Variants in TENM3 observed in about 807,000 individuals in gnomAD.
TENM3 encodes the protein teneurin-3.
Under a neutral mutation model 255.1 loss-of-function variants are expected in TENM3, and 63 were observed. The observed-to-expected ratio is 0.25, with a 90% CI of 0.20 to 0.30. The LOEUF (loss-of-function observed/expected upper bound fraction) is 0.30. Ranked by LOEUF, TENM3 falls within the 10% of genes least tolerant of loss-of-function variation. The pLI, the probability that TENM3 is intolerant of heterozygous loss-of-function variation, is 1.00. For synonymous variants in TENM3, 1,306 were observed against 1,322.3 expected (o/e 0.99, Z 0.27); for missense variants, 2,929 against 3,461.1 (o/e 0.85, Z 3.86).
intron 3 of TENM3, among the ~76,000 whole-genome samples, chr4:182,503,187 T>G (rs1736488456): frequency 6.6e-6 from 1 of 152,104 alleles, no homozygotes; most frequent in Non-Finnish European, 1.5e-5. Context: ...TTGCTTTGGG[T>G]GAGGACTGGG....
At chr4:181,847,804 TAG>T in the TENM3 span, among the ~76,000 whole-genome samples, 197 of 152,188 alleles carry the variant, frequency 1.3e-3, no homozygotes, top group African/African-American at 4.5e-3. Flanking sequence ...AGACCTAAAT[TAG>T]AGTTTCTTTT....
At chr4:182,397,022 G>GA (rs1235815138) in intron 3 of TENM3, among the ~76,000 whole-genome samples, 1 of 151,768 alleles carries the variant, frequency 6.6e-6, no homozygotes, top group Non-Finnish European at 1.5e-5. Flanking sequence ...ATATACCAAT[G>GA]AAAAGCCGTA....
At chr4:182,635,170 C>T (rs902077442) in intron 5 of TENM3, among the ~76,000 whole-genome samples, 3 of 152,320 alleles carry the variant, frequency 2.0e-5, no homozygotes, top group Middle Eastern at 3.4e-3. Context: ...TATTATCAGA[C>T]TATATTGTGG....
the TENM3 span, among the ~76,000 whole-genome samples, chr4:181,651,088 T>G: frequency 6.6e-6 from 1 of 152,114 alleles, no homozygotes; most frequent in African/African-American, 2.4e-5. Context: ...ATTTTGGGAA[T>G]AAAAAGCATC....
the TENM3 span, among the ~76,000 whole-genome samples, chr4:181,584,965 G>C: frequency 4.5e-4 from 62 of 136,762 alleles, no homozygotes; most frequent in African/African-American, 1.6e-3. Context: ...CCATATAGTT[G>C]AATTGAGGAA....
chr4:181,595,443 A>AAAAAAAAAAAAC, the TENM3 span, among the ~76,000 whole-genome samples: 3 of 130,772 alleles, frequency 2.3e-5, no homozygotes, highest in Admixed American at 7.8e-5. Context: ...AAAAAAAAAA[A>AAAAAAAAAAAAC]AAAAAAAAAA....
chr4:182,012,349 C>T, the TENM3 span, among the ~76,000 whole-genome samples: 1 of 152,184 alleles, frequency 6.6e-6, no homozygotes, highest in Non-Finnish European at 1.5e-5. Context: ...CCAGGCAGTA[C>T]TTAATATTTC....
chr4:182,699,945 T>G (rs913589167), intron 12 of TENM3, among the ~76,000 whole-genome samples: 1 of 152,100 alleles, frequency 6.6e-6, no homozygotes, highest in Admixed American at 6.5e-5. Context: ...AAAATGCTCC[T>G]TCTGCTTGCC....
the TENM3 span, among the ~76,000 whole-genome samples, chr4:181,978,658 AAG>A: frequency 6.6e-6 from 1 of 150,508 alleles, no homozygotes; most frequent in Admixed American, 6.6e-5. Flanking sequence ...AAAAAAAAAA[AAG>A]AAAAGAAAAG....
the TENM3 span, among the ~76,000 whole-genome samples, chr4:181,995,221 C>A: frequency 2.6e-5 from 4 of 151,398 alleles, no homozygotes; most frequent in Non-Finnish European, 4.4e-5. Context: ...ACCCGGGGGG[C>A]GGAGGTTGCA....
chr4:181,524,429 A>G, the TENM3 span, among the ~76,000 whole-genome samples: 47 of 152,378 alleles, frequency 3.1e-4, no homozygotes, highest in African/African-American at 1.1e-3. Flanking sequence ...TTTGGGATGC[A>G]GGCATGGGTC....
chr4:181,840,266 G>A, the TENM3 span, among the ~76,000 whole-genome samples: 4 of 151,836 alleles, frequency 2.6e-5, no homozygotes, highest in Non-Finnish European at 5.9e-5. Flanking sequence ...GACTTTTTGA[G>A]ACATTTTAGT....
the TENM3 span, among the ~76,000 whole-genome samples, chr4:181,607,307 T>C: frequency 6.6e-6 from 1 of 152,204 alleles, no homozygotes; most frequent in South Asian, 2.1e-4. Flanking sequence ...TGCTGACTAA[T>C]ACAGTAGGCA....
chr4:181,936,872 C>G, the TENM3 span, among the ~76,000 whole-genome samples: 1 of 151,974 alleles, frequency 6.6e-6, no homozygotes, highest in Non-Finnish European at 1.5e-5. Context: ...ATGCTAGGCT[C>G]TAGGCGCAAA....
the TENM3 span, among the ~76,000 whole-genome samples, chr4:181,500,074 G>C: frequency 2.0e-5 from 3 of 152,042 alleles, no homozygotes; most frequent in Non-Finnish European, 4.4e-5. Flanking sequence ...TGTTGCCCAG[G>C]CTGGAGTGCA....
chr4:182,765,246 T>A (rs1763600591), intron 22 of TENM3, among the ~76,000 whole-genome samples: 1 of 152,122 alleles, frequency 6.6e-6, no homozygotes, highest in Non-Finnish European at 1.5e-5. Flanking sequence ...AAAGGGAACA[T>A]AGAAGATCTG....
rs141511924 is a variant in TENM3, at chr4:182,796,467, G to A, written c.7214-170G>A. Among the ~76,000 whole-genome samples the A allele has an allele frequency of 7.3e-3, 1,114 of 152,310 alleles. 14 individuals carry two copies. The highest frequency in any genetic ancestry group is 0.026 in the African/African-American group (1,065 of 41,562). On this transcript the variant is annotated intron_variant, in intron 26 of 27. Transcript: ENST00000511685. ...CCATAGTTCTGCTGTGAAGGTTACC[G>A]TCTTCATGTCTAAAAACAGTAGGTT...
At position 182,744,453 on chromosome 4, in the gene TENM3, A is replaced by T. The variant is rs184958399; in HGVS notation, c.3629+1034A>T. 1.9e-3 allele frequency among the ~76,000 whole-genome samples: 294 copies of T among 152,316 alleles called. 1 individual carries two copies. Among genetic ancestry groups the T allele is most frequent in the Middle Eastern group, 0.01 (3 of 294 alleles). On this transcript the variant is annotated intron_variant, in intron 19 of 27. Coordinates refer to ENST00000511685, the MANE Select transcript of TENM3 (RefSeq NM_001080477.4). ...TATAACAAAATTATTTCCAAGCATT[A>T]GTTACTGACCGACACAATCTAAGCC...
intron 3 of TENM3, among the ~76,000 whole-genome samples, chr4:182,560,745 A>G (rs760013566): frequency 7.2e-5 from 11 of 152,212 alleles, no homozygotes; most frequent in African/African-American, 2.2e-4. Flanking sequence ...CCACAGGGAA[A>G]CAAGGCAGTA....
Sources: allele counts gnomAD v4.1 joint callset (sites outside exome capture counted in the v4.1 genomes callset), GRCh38; gene constraint gnomAD v4.1.1; transcripts MANE v1.5; gene names NCBI Gene and HGNC (gene_info 2026-07-23, HGNC 2026-07-21).